The following NT5DC1 variants were observed in gnomAD, a reference collection of about 807,000 sequenced individuals.
The protein encoded by NT5DC1 is 5'-nucleotidase domain containing 1, also known as 5'-nucleotidase domain-containing protein 1.
In NT5DC1, 42 loss-of-function variants were observed where a neutral mutation model predicts 59.4. That is an observed-to-expected ratio of 0.71 (90% CI 0.55 to 0.92). The LOEUF (loss-of-function observed/expected upper bound fraction) is 0.92. Among genes scored for constraint, NT5DC1 ranks in the 40% least tolerant of loss-of-function variants. The pLI is 0.00. For missense variants in NT5DC1, 501 were observed against 537.1 expected (o/e 0.93, Z 0.66); for synonymous variants, 172 against 188.1 (o/e 0.91, Z 0.70).
Position 116,201,232 on chromosome 6 carries a change from T to C in NT5DC1, c.530-19822T>C, listed in dbSNP as rs547272494. ...AAAGTTTAATATAGGTAACTACAAT[T>C]AGTTACCTCTATGATACTCTTGCCT... is the stretch of plus-strand genomic sequence containing the variant. On this transcript the variant is annotated intron_variant, in intron 6 of 11. Coordinates refer to ENST00000319550, the MANE Select transcript of NT5DC1 (RefSeq NM_152729.3). 5.1e-4 allele frequency among the ~76,000 whole-genome samples: 77 copies of C among 152,166 alleles called. 3 individuals are homozygous for C. In the South Asian group the frequency reaches 0.016, roughly 31 times the overall value.
At chr6:116,112,117 G>A (rs1360011394) in intron 4 of NT5DC1, among the ~76,000 whole-genome samples, 3 of 152,168 alleles carry the variant, frequency 2.0e-5, no homozygotes, top group East Asian at 1.9e-4. Context: ...ACTAGAGAGC[G>A]CCACCTCTTG....
Position 116,248,526 on chromosome 6 carries a change from C to G in NT5DC1, c.*4502C>G, listed in dbSNP as rs567063096. ...GTTAACTGGAGATAAAGCAGCAGCA[C>G]GAGGAGTAATGGGGAGAAGGGCCTG... On this transcript the variant is annotated 3_prime_UTR_variant, in exon 12 of 12. Coordinates refer to ENST00000319550, the MANE Select transcript of NT5DC1 (RefSeq NM_152729.3). The G allele has an allele frequency of 2.0e-5, 3 of 152,098 alleles. No homozygotes were observed. Among genetic ancestry groups the G allele is most frequent in the Non-Finnish European group, 4.4e-5 (3 of 68,036 alleles). The allele number at this position is 152,098 out of a possible 1,614,324, so 9.4% of individuals were successfully genotyped here.
intron 6 of NT5DC1, among the ~76,000 whole-genome samples, chr6:116,180,262 C>T (rs1253469066): frequency 1.3e-5 from 2 of 152,118 alleles, no homozygotes; most frequent in Admixed American, 6.5e-5. Flanking sequence ...AGAGAACCAA[C>T]TCTGAAAATC....
rs1232677923 is a variant in NT5DC1 at position 116,246,353 on chromosome 6, A to T, written c.*2329A>T. The T allele has an allele frequency of 6.6e-6, 1 of 152,022 alleles. No individual in the cohort carries two copies. Among genetic ancestry groups the T allele is most frequent in the Non-Finnish European group, 1.5e-5 (1 of 67,946 alleles). The allele number at this position is 152,022 out of a possible 1,614,324, so 9.4% of individuals were successfully genotyped here. A position where few individuals can be genotyped will look rare whatever the true frequency, so the allele number is the denominator to read the frequency against. On this transcript the variant is annotated 3_prime_UTR_variant, in exon 12 of 12. Transcript: ENST00000319550. ...GTATTTGGAATACTGAGGTAGTAAA[A>T]ACTTTATCTGAACCATGAATTACAA... is the stretch of plus-strand genomic sequence containing the variant.
intron 6 of NT5DC1, among the ~76,000 whole-genome samples, chr6:116,161,220 T>C (rs970293905): frequency 2.7e-5 from 4 of 145,686 alleles, no homozygotes; most frequent in Non-Finnish European, 4.5e-5. Context: ...AGGGATAGCA[T>C]TGGGAGATAT....
chr6:116,113,881 C>T (rs1931898), intron 4 of NT5DC1, among the ~76,000 whole-genome samples: 1,880 of 152,256 alleles, frequency 0.012, 18 homozygotes, highest in Non-Finnish European at 0.018. Flanking sequence ...GACAGCTGAC[C>T]ATGAAGTTGG....
intron 6 of NT5DC1, among the ~76,000 whole-genome samples, chr6:116,130,711 TCAGGACCA>T (rs1779438237): frequency 6.6e-6 from 1 of 152,096 alleles, no homozygotes; most frequent in African/African-American, 2.4e-5. Context: ...CAATGCACAT[TCAGGACCA>T]CAGGTGTTTA....
intron 6 of NT5DC1, among the ~76,000 whole-genome samples, chr6:116,197,791 T>G (rs1369884445): frequency 6.6e-6 from 1 of 152,102 alleles, no homozygotes; most frequent in Non-Finnish European, 1.5e-5. Context: ...GACTGATGGA[T>G]TGAAAGCGCT....
At chr6:116,131,330 T>A (rs999546290) in intron 6 of NT5DC1, among the ~76,000 whole-genome samples, 2 of 152,220 alleles carry the variant, frequency 1.3e-5, no homozygotes, top group Non-Finnish European at 2.9e-5. Context: ...ACCCTGTGTT[T>A]CACCTTCCTT....
intron 6 of NT5DC1, among the ~76,000 whole-genome samples, chr6:116,169,366 CAT>C (rs1780557203): frequency 6.6e-6 from 1 of 152,146 alleles, no homozygotes; most frequent in Non-Finnish European, 1.5e-5. Flanking sequence ...AAAATGAAAA[CAT>C]GTTATAGTTT....
At chr6:116,128,583 A>C (rs1779384023) in intron 6 of NT5DC1, among the ~76,000 whole-genome samples, 1 of 152,142 alleles carries the variant, frequency 6.6e-6, no homozygotes, top group South Asian at 2.1e-4. Context: ...GTGGATCGTT[A>C]ATTAATTCAC....
intron 8 of NT5DC1, among the ~76,000 whole-genome samples, chr6:116,227,832 T>C (rs542010983): frequency 6.6e-6 from 1 of 152,350 alleles, no homozygotes; most frequent in African/African-American, 2.4e-5. Flanking sequence ...ACTATTGAGA[T>C]GAGTTCCTTT....
intron 6 of NT5DC1, among the ~76,000 whole-genome samples, chr6:116,145,210 T>A (rs1199933286): frequency 7.2e-5 from 11 of 152,158 alleles, no homozygotes; most frequent in Non-Finnish European, 4.4e-5. Context: ...AGAGGACAAC[T>A]GATAACAGCT....
chr6:116,167,904 A>T (rs1235556948), intron 6 of NT5DC1, among the ~76,000 whole-genome samples: 1 of 152,144 alleles, frequency 6.6e-6, no homozygotes, highest in Non-Finnish European at 1.5e-5. Context: ...CTTAGAGAAT[A>T]TTTTTAATGG....
rs149156292 is a variant in NT5DC1 at position 116,229,169 on chromosome 6, A to G, written c.802+6038A>G. 5.3e-3 allele frequency among the ~76,000 whole-genome samples: 814 copies of G among 152,340 alleles called. 7 individuals carry two copies. Among genetic ancestry groups the G allele is most frequent in the Admixed American group, 8.8e-3 (135 of 15,306 alleles). ...TCCAAGCACAGACTTTAACCAAGCT[A>G]GTAAGCAAAAACCACAATTACTTTT... is the stretch of plus-strand genomic sequence containing the variant. On this transcript the variant is annotated intron_variant, in intron 8 of 11. Coordinates refer to ENST00000319550, the MANE Select transcript of NT5DC1 (RefSeq NM_152729.3).
intron 6 of NT5DC1, among the ~76,000 whole-genome samples, chr6:116,150,602 A>G (rs1475365387): frequency 6.6e-6 from 1 of 152,088 alleles, no homozygotes; most frequent in East Asian, 1.9e-4. Context: ...TGGGGTTTTA[A>G]ATTAGAATGG....
intron 1 of NT5DC1, among the ~76,000 whole-genome samples, chr6:116,101,766 C>T (rs1174135635): frequency 2.0e-5 from 3 of 152,126 alleles, no homozygotes; most frequent in South Asian, 2.1e-4. Flanking sequence ...AATTAATTGC[C>T]CTCCCTCCAC....
chr6:116,125,543 G>A, intron 6 of NT5DC1: 1 of 1,582,430 alleles, frequency 6.3e-7, no homozygotes, highest in Non-Finnish European at 8.7e-7. Context: ...ATACAGCATT[G>A]TTATTAACCT....
chr6:116,126,568 T>TA (rs1460691074), intron 6 of NT5DC1, among the ~76,000 whole-genome samples: 1 of 152,214 alleles, frequency 6.6e-6, no homozygotes. Flanking sequence ...AGTTATTACA[T>TA]AAAGTTATCA....
Sources: allele counts gnomAD v4.1 joint callset (sites outside exome capture counted in the v4.1 genomes callset), GRCh38; gene constraint gnomAD v4.1.1; transcripts MANE v1.5; gene names NCBI Gene and HGNC (gene_info 2026-07-23, HGNC 2026-07-21).